Variants in NOX4 observed in about 807,000 individuals in gnomAD.
The protein encoded by NOX4 is kidney oxidase-1.
A neutral mutation model predicts 87.6 loss-of-function variants in NOX4; 69 were observed. The observed-to-expected ratio is 0.79, with a 90% CI of 0.65 to 0.96. NOX4 has a LOEUF of 0.96. Among genes scored for constraint, NOX4 ranks in the 40% least tolerant of loss-of-function variants. The pLI, the probability that NOX4 is intolerant of heterozygous loss-of-function variation, is 0.00. For missense variants in NOX4, 680 were observed against 681.5 expected (o/e 1.00, Z 0.02); for synonymous variants, 275 against 238.2 (o/e 1.15, Z -1.42).
intron 6 of NOX4, among the ~76,000 whole-genome samples, chr11:89,439,168 GCT>G (rs1272061661): frequency 6.7e-6 from 1 of 148,560 alleles, no homozygotes; most frequent in Admixed American, 7.0e-5. Context: ...AGGTTCCAAG[GCT>G]TCAATTAAAC....
intron 2 of NOX4, among the ~76,000 whole-genome samples, chr11:89,472,530 T>C (rs1945992127): frequency 6.6e-6 from 1 of 152,214 alleles, no homozygotes; most frequent in South Asian, 2.1e-4. Context: ...ATTTGTTTTA[T>C]GTCATCATTT....
At chr11:89,570,879 T>G in the NOX4 span, among the ~76,000 whole-genome samples, 2 of 152,230 alleles carry the variant, frequency 1.3e-5, no homozygotes, top group South Asian at 4.1e-4. Context: ...ATACTTTATC[T>G]TGTCAACATG....
chr11:89,523,550 G>A, the NOX4 span, among the ~76,000 whole-genome samples: 1 of 152,082 alleles, frequency 6.6e-6, no homozygotes, highest in African/African-American at 2.4e-5. Flanking sequence ...TTCATTATTT[G>A]GACCTACTCT....
At chr11:89,507,678 T>A in the NOX4 span, among the ~76,000 whole-genome samples, 1 of 151,930 alleles carries the variant, frequency 6.6e-6, no homozygotes, top group Non-Finnish European at 1.5e-5. Context: ...ATCTCTTGTA[T>A]AACATTCTGC....
chr11:89,468,239 A>G (rs1945789173), intron 2 of NOX4, among the ~76,000 whole-genome samples: 1 of 152,170 alleles, frequency 6.6e-6, no homozygotes, highest in South Asian at 2.1e-4. Context: ...ACTTCCACCC[A>G]CAGAGCTACT....
At chr11:89,556,787 T>C in the NOX4 span, 1 of 152,162 alleles carries the variant, frequency 6.6e-6, no homozygotes, top group Non-Finnish European at 1.5e-5. Flanking sequence ...ACAGGTCAAC[T>C]TCTATCTCTG....
chr11:89,484,890 AG>A, intron 2 of NOX4, among the ~76,000 whole-genome samples: 1 of 152,162 alleles, frequency 6.6e-6, no homozygotes, highest in East Asian at 1.9e-4. Flanking sequence ...GAGCAACTCT[AG>A]CTAGTGATTT....
chr11:89,400,458 A>T, intron 9 of NOX4, 79 bp from the exon 10 acceptor site: 1 of 945,742 alleles, frequency 1.1e-6, no homozygotes, highest in Non-Finnish European at 1.5e-6. Flanking sequence ...TGCTTATTGC[A>T]TACATTACAG....
At chr11:89,357,087 A>G (rs937664572) in intron 12 of NOX4, among the ~76,000 whole-genome samples, 9 of 152,196 alleles carry the variant, frequency 5.9e-5, no homozygotes, top group African/African-American at 2.2e-4. Flanking sequence ...TTTATGAATA[A>G]CTAGATGTTA....
At chr11:89,479,997 C>T (rs1946326983) in intron 2 of NOX4, among the ~76,000 whole-genome samples, 1 of 152,110 alleles carries the variant, frequency 6.6e-6, no homozygotes, top group African/African-American at 2.4e-5. Flanking sequence ...CAGTGGGCCC[C>T]ATGGAATTGG....
chr11:89,557,863 T>C, the NOX4 span, among the ~76,000 whole-genome samples: 1 of 152,100 alleles, frequency 6.6e-6, no homozygotes. Context: ...AAATTAAAGT[T>C]GAACTAACTT....
At chr11:89,472,537 A>AT in intron 2 of NOX4, among the ~76,000 whole-genome samples, 1 of 152,152 alleles carries the variant, frequency 6.6e-6, no homozygotes, top group South Asian at 2.1e-4. Flanking sequence ...TTATGTCATC[A>AT]TTTTTTTATC....
chr11:89,447,714 A>G (rs780897464), intron 4 of NOX4, among the ~76,000 whole-genome samples: 1 of 152,116 alleles, frequency 6.6e-6, no homozygotes, highest in Non-Finnish European at 1.5e-5. Flanking sequence ...TATAGTTTAG[A>G]ACAAATTGAG....
At chr11:89,390,471 G>A (rs928399042) in intron 11 of NOX4, among the ~76,000 whole-genome samples, 1 of 152,112 alleles carries the variant, frequency 6.6e-6, no homozygotes, top group Admixed American at 6.6e-5. Flanking sequence ...ATGAGATAGA[G>A]TGGTTTTAAG....
intron 2 of NOX4, among the ~76,000 whole-genome samples, chr11:89,459,446 T>G (rs574828113): frequency 3.3e-5 from 5 of 151,358 alleles, no homozygotes; most frequent in Non-Finnish European, 5.9e-5. Flanking sequence ...GATCCTAAAA[T>G]AAAACTTTAA....
At chr11:89,435,491 T>TA (rs1257537500) in intron 6 of NOX4, among the ~76,000 whole-genome samples, 1 of 152,112 alleles carries the variant, frequency 6.6e-6, no homozygotes, top group Non-Finnish European at 1.5e-5. Context: ...TTTCTATTAC[T>TA]AAAAATACTA....
chr11:89,413,772 T>C (rs2135234904), intron 8 of NOX4, among the ~76,000 whole-genome samples: 1 of 152,160 alleles, frequency 6.6e-6, no homozygotes, highest in East Asian at 1.9e-4. Flanking sequence ...ATGAAAACAG[T>C]ACAATTTGTA....
At chr11:89,563,414 C>G in the NOX4 span, among the ~76,000 whole-genome samples, 1 of 152,026 alleles carries the variant, frequency 6.6e-6, no homozygotes, top group African/African-American at 2.4e-5. Flanking sequence ...TTCTACATTC[C>G]GAACCTGGGA....
At chr11:89,462,273 T>A (rs551775286) in intron 2 of NOX4, among the ~76,000 whole-genome samples, 1 of 152,282 alleles carries the variant, frequency 6.6e-6, no homozygotes, top group East Asian at 1.9e-4. Flanking sequence ...GGAGATTTAA[T>A]ATTGTAAAGA....
Sources: gnomAD v4.1 joint callset for allele counts (sites outside exome capture counted in the v4.1 genomes callset) on GRCh38, gnomAD v4.1.1 for gene constraint, MANE v1.5 for transcripts, NCBI Gene and HGNC (gene_info 2026-07-23, HGNC 2026-07-21) for gene names.